Variants in SEZ6L observed in about 807,000 individuals in gnomAD.
SEZ6L encodes the protein seizure related 6 homolog like.
A neutral mutation model predicts 106.2 loss-of-function variants in SEZ6L; 37 were observed. That is an observed-to-expected ratio of 0.35 (90% CI 0.27 to 0.46). SEZ6L has a LOEUF of 0.46. Among genes scored for constraint, SEZ6L ranks in the 20% least tolerant of loss-of-function variants. SEZ6L has a pLI of 1.00. For synonymous variants in SEZ6L, 541 were observed against 570.4 expected (o/e 0.95, Z 0.73); for missense variants, 1,172 against 1,332.8 (o/e 0.88, Z 1.88).
At chr22:26,340,940 A>G (rs1286974945) in intron 10 of SEZ6L, among the ~76,000 whole-genome samples, 1 of 151,224 alleles carries the variant, frequency 6.6e-6, no homozygotes, top group Non-Finnish European at 1.5e-5. Flanking sequence ...GATGTAGTAG[A>G]CAATGCCTCA....
Position 26,311,787 on chromosome 22 carries a change from C to T in SEZ6L, c.1701C>T (p.Cys567=), listed in dbSNP as rs762410909. Residue 567 remains cysteine, a synonymous_variant, in exon 8 of 17, where the codon TGC becomes TGT. Transcript: ENST00000248933. ...CCTCAGCGTTTGAGAAAGGCCACTGCTATGAGCCCTACATCCAGAATGGGA... is the reference window on the plus strand; with the variant it reads ...CCTCAGCGTTTGAGAAAGGCCACTGTTATGAGCCCTACATCCAGAATGGGA... ...IRFEAFEKGH[C]YEPYIQNGNF... is the part of the protein sequence containing the mutation. The T allele has an allele frequency of 9.3e-6, 15 of 1,614,208 alleles. No individual in the cohort carries two copies. In the South Asian group the frequency reaches 1.5e-4, roughly 17 times the overall value.
At chr22:26,266,218 T>C (rs940227992) in intron 1 of SEZ6L, among the ~76,000 whole-genome samples, 5 of 150,950 alleles carry the variant, frequency 3.3e-5, no homozygotes, top group African/African-American at 1.2e-4. Flanking sequence ...CCCACAGAGA[T>C]GATCTGTGAC....
rs536229322 is a variant in SEZ6L at position 26,253,580 on chromosome 22, T to C, written c.95-38826T>C. Among the ~76,000 whole-genome samples, 5 of 152,320 alleles carry C rather than the reference T, an allele frequency of 3.3e-5. No homozygotes were observed. In the South Asian group the frequency reaches 1.0e-3, roughly 32 times the overall value. On this transcript the variant is annotated intron_variant, in intron 1 of 16. Transcript: ENST00000248933. The stretch of plus-strand genomic sequence containing the variant: ...TTGTACAAAATAGATGCCCAGAAAA[T>C]GCTTGTTGAAGTTAGTTTATTATTT...
intron 1 of SEZ6L, among the ~76,000 whole-genome samples, chr22:26,202,594 G>A (rs556872743): frequency 6.6e-6 from 1 of 152,278 alleles, no homozygotes; most frequent in South Asian, 2.1e-4. Context: ...AGGTGACAGG[G>A]GTTAACTCTG....
At chr22:26,232,171 A>G (rs543702419) in intron 1 of SEZ6L, among the ~76,000 whole-genome samples, 3 of 152,276 alleles carry the variant, frequency 2.0e-5, no homozygotes, top group African/African-American at 7.2e-5. Context: ...GTGAGCACTC[A>G]TTCAATCAGA....
chr22:26,324,075 C>T (rs1331401542), intron 9 of SEZ6L, among the ~76,000 whole-genome samples: 1 of 144,206 alleles, frequency 6.9e-6, no homozygotes, highest in Admixed American at 6.7e-5. Flanking sequence ...CACACACACA[C>T]ACACACACAC....
intron 5 of SEZ6L, among the ~76,000 whole-genome samples, chr22:26,302,925 C>G (rs1470573287): frequency 6.6e-6 from 1 of 152,218 alleles, no homozygotes; most frequent in Non-Finnish European, 1.5e-5. Context: ...CTCCATTTCT[C>G]AGCTCCTGAG....
At chr22:26,374,206 C>T (rs117547983) in intron 14 of SEZ6L, among the ~76,000 whole-genome samples, 1 of 150,228 alleles carries the variant, frequency 6.7e-6, no homozygotes, top group East Asian at 1.9e-4. Flanking sequence ...TATGTAAATA[C>T]AAATGCAGTA....
At chr22:26,274,798 C>T (rs970707219) in intron 1 of SEZ6L, among the ~76,000 whole-genome samples, 3 of 152,190 alleles carry the variant, frequency 2.0e-5, no homozygotes, top group Non-Finnish European at 4.4e-5. Flanking sequence ...GCGACACCCA[C>T]AGAGTATTGC....
At chr22:26,183,213 C>T (rs117474246) in intron 1 of SEZ6L, among the ~76,000 whole-genome samples, 1 of 152,306 alleles carries the variant, frequency 6.6e-6, no homozygotes, top group East Asian at 1.9e-4. Context: ...CTCTTTTATT[C>T]TTTCATCCAA....
At chr22:26,258,634 A>G (rs531766385) in intron 1 of SEZ6L, among the ~76,000 whole-genome samples, 2 of 152,296 alleles carry the variant, frequency 1.3e-5, no homozygotes, top group South Asian at 2.1e-4. Flanking sequence ...CAGCTAGCAA[A>G]TTGCAGTATT....
At chr22:26,380,144 G>A (rs2084367700) in intron 16 of SEZ6L, 122 bp from the exon 17 acceptor site, 3 of 811,142 alleles carry the variant, frequency 3.7e-6, no homozygotes, top group Non-Finnish European at 6.2e-6. Flanking sequence ...GTCAGAGTGG[G>A]AGGGCACTGA....
intron 16 of SEZ6L, 60 bp downstream of exon 16, chr22:26,377,835 C>T: frequency 8.0e-7 from 1 of 1,247,210 alleles, no homozygotes; most frequent in East Asian, 2.3e-5. Flanking sequence ...AATTCACCAA[C>T]AATAAGACAA....
intron 1 of SEZ6L, among the ~76,000 whole-genome samples, chr22:26,265,692 C>T (rs998857721): frequency 1.6e-4 from 24 of 152,188 alleles, no homozygotes; most frequent in African/African-American, 5.5e-4. Flanking sequence ...CTAAGAGGCA[C>T]CCAGGGCACT....
chr22:26,240,171 A>G (rs1427459475), intron 1 of SEZ6L, among the ~76,000 whole-genome samples: 1 of 151,706 alleles, frequency 6.6e-6, no homozygotes, highest in African/African-American at 2.4e-5. Flanking sequence ...CAAGAAATAC[A>G]TCTGGTAGAC....
chr22:26,376,963 G>A (rs1182983386), intron 15 of SEZ6L, among the ~76,000 whole-genome samples: 1 of 151,856 alleles, frequency 6.6e-6, no homozygotes, highest in Non-Finnish European at 1.5e-5. Flanking sequence ...GGTGTGGTGA[G>A]TAACAGAGAA....
At chr22:26,335,182 CA>C (rs1182373889) in intron 9 of SEZ6L, among the ~76,000 whole-genome samples, 1 of 152,172 alleles carries the variant, frequency 6.6e-6, no homozygotes, top group Non-Finnish European at 1.5e-5. Flanking sequence ...ACTAAATTGC[CA>C]AACTCTGTGT....
At chr22:26,227,927 G>A (rs1053764699) in intron 1 of SEZ6L, among the ~76,000 whole-genome samples, 1 of 152,182 alleles carries the variant, frequency 6.6e-6, no homozygotes, top group Middle Eastern at 3.2e-3. Flanking sequence ...CTGTAAAAAC[G>A]TGCCAATGGC....
intron 1 of SEZ6L, among the ~76,000 whole-genome samples, chr22:26,181,602 A>G (rs1273404285): frequency 6.6e-6 from 1 of 152,144 alleles, no homozygotes; most frequent in African/African-American, 2.4e-5. Context: ...TGTTAATCCG[A>G]CTGTGTAAGC....
Sources: gnomAD v4.1 joint callset for allele counts (sites outside exome capture counted in the v4.1 genomes callset) on GRCh38, gnomAD v4.1.1 for gene constraint, MANE v1.5 for transcripts, NCBI Gene and HGNC (gene_info 2026-07-23, HGNC 2026-07-21) for gene names.